Variants in SYTL2 observed in about 807,000 individuals in gnomAD.
SYTL2 encodes synaptotagmin like 2.
Under a neutral mutation model 198.7 loss-of-function variants are expected in SYTL2, and 165 were observed. The observed-to-expected ratio is 0.83, with a 90% CI of 0.73 to 0.94. The LOEUF is 0.94. SYTL2 is among the 40% of genes least tolerant of loss of function. The pLI is 0.00. For missense variants in SYTL2, 2,835 were observed against 2,582.8 expected (o/e 1.10, Z -2.12); for synonymous variants, 966 against 917.7 (o/e 1.05, Z -0.95).
chr11:85,793,146 T>G (rs1258897458), intron 1 of SYTL2, among the ~76,000 whole-genome samples: 4 of 151,742 alleles, frequency 2.6e-5, no homozygotes, highest in African/African-American at 9.7e-5. Context: ...ATATACCCAG[T>G]AATGGGATGG....
At chr11:85,747,151 C>G (rs1223667432) in intron 3 of SYTL2, among the ~76,000 whole-genome samples, 5 of 152,132 alleles carry the variant, frequency 3.3e-5, no homozygotes, top group African/African-American at 1.2e-4. Flanking sequence ...GAATTTTAAA[C>G]AAGCCCTCAA....
At chr11:85,717,576 G>C in intron 10 of SYTL2, 46 bp from the exon 11 acceptor site, 1 of 1,476,584 alleles carries the variant, frequency 6.8e-7, no homozygotes, top group Non-Finnish European at 9.5e-7. Flanking sequence ...TTTAACAGAA[G>C]GATTAAAGAG....
At chr11:85,706,694 C>A (rs534392827) in intron 15 of SYTL2, among the ~76,000 whole-genome samples, 8 of 152,248 alleles carry the variant, frequency 5.3e-5, no homozygotes, top group South Asian at 4.1e-4. Flanking sequence ...TGTGAAGGGA[C>A]TGGTGTGCAT....
chr11:85,825,387 C>A, the SYTL2 span, among the ~76,000 whole-genome samples: 797 of 118,536 alleles, frequency 6.7e-3, no homozygotes, highest in Middle Eastern at 0.014. Context: ...GACTCCGTCT[C>A]AAAAAAAAAA....
At chr11:85,708,837 ATTTTTTTTTT>A (rs72460497) in intron 14 of SYTL2, among the ~76,000 whole-genome samples, 2 of 71,594 alleles carry the variant, frequency 2.8e-5, no homozygotes, top group Admixed American at 2.0e-4. Flanking sequence ...CTTCTCTGTG[ATTTTTTTTTT>A]TTTTTTTTTT....
intron 4 of SYTL2, among the ~76,000 whole-genome samples, chr11:85,743,251 A>G (rs558370937): frequency 5.9e-5 from 9 of 152,234 alleles, no homozygotes; most frequent in Non-Finnish European, 1.2e-4. Flanking sequence ...GTTAAAGTAT[A>G]GGTAAGAAAC....
At chr11:85,753,056 A>T (rs1432449552) in intron 2 of SYTL2, among the ~76,000 whole-genome samples, 1 of 148,164 alleles carries the variant, frequency 6.7e-6, no homozygotes, top group South Asian at 2.2e-4. Flanking sequence ...TTGTGTGTAT[A>T]TGGGGGTGGG....
At chr11:85,722,786 T>G (rs1331314591) in intron 8 of SYTL2, among the ~76,000 whole-genome samples, 5 of 152,100 alleles carry the variant, frequency 3.3e-5, no homozygotes, top group Admixed American at 6.5e-5. Flanking sequence ...TTTTAGAGAT[T>G]GATATTTCAA....
chr11:85,846,579 C>G, the SYTL2 span, among the ~76,000 whole-genome samples: 1 of 152,004 alleles, frequency 6.6e-6, no homozygotes, highest in Non-Finnish European at 1.5e-5. Context: ...AGGTGTGCAC[C>G]ACCACACCCA....
chr11:85,833,928 G>A, the SYTL2 span, among the ~76,000 whole-genome samples: 8 of 151,632 alleles, frequency 5.3e-5, no homozygotes, highest in Non-Finnish European at 7.4e-5. Context: ...TAGTAGAGAC[G>A]GGGTTTCGCC....
rs185001219 is a variant in SYTL2 at position 85,705,444 on chromosome 11, C to T, written c.6019-416G>A. Among the ~76,000 whole-genome samples the T allele has an allele frequency of 1.2e-3, 187 of 152,220 alleles. 1 individual carries two copies. The highest frequency in any genetic ancestry group is 3.6e-3 in the African/African-American group (149 of 41,540). ...AAAATAGTCTTTTTAGAGCAGTTTT[C>T]GGTTTACAGCAAAACTGAGCAGAAA... On this transcript the variant is annotated intron_variant, in intron 15 of 19. Coordinates refer to ENST00000359152, the MANE Select transcript of SYTL2 (RefSeq NM_206927.4).
At chr11:85,765,430 T>TTTCACCATG (rs2092214806) in intron 1 of SYTL2, among the ~76,000 whole-genome samples, 2 of 152,194 alleles carry the variant, frequency 1.3e-5, no homozygotes, top group South Asian at 2.1e-4. Context: ...AGAGACGGGG[T>TTTCACCATG]TTCACCATGT....
intron 12 of SYTL2, among the ~76,000 whole-genome samples, chr11:85,711,664 C>T (rs2086310417): frequency 6.6e-6 from 1 of 152,000 alleles, no homozygotes; most frequent in Non-Finnish European, 1.5e-5. Flanking sequence ...TAGCACAGCC[C>T]CTAACTTCTC....
intron 1 of SYTL2, among the ~76,000 whole-genome samples, chr11:85,778,021 G>C (rs564719563): frequency 6.6e-6 from 1 of 151,832 alleles, no homozygotes; most frequent in Admixed American, 6.6e-5. Context: ...GTTTCACCAC[G>C]TTGGCCAGGC....
Position 85,726,372 on chromosome 11 carries a change from T to G in SYTL2, c.2986A>C (p.Asn996His), listed in dbSNP as rs1173638313. The G allele has an allele frequency of 2.5e-6, 4 of 1,613,894 alleles. No homozygotes were observed. The highest frequency in any genetic ancestry group is 1.7e-5 in the Admixed American group (1 of 59,962). Residue 996 changes from asparagine (N) to histidine (H), a missense_variant, in exon 8 of 20, where the codon AAC (asparagine) becomes CAC (histidine). This residue lies in a region of SYTL2 where 2,645 missense variants were observed against 2,381.7 expected (regional missense o/e 1.11). Coordinates refer to ENST00000359152, the MANE Select transcript of SYTL2 (RefSeq NM_206927.4). Reference sequence around the variant, plus strand: ...ATATTCTTGTCATTATCCTTACTGTTTGAATTAGCTTCTAAGTCCCAAAAC... The same window carrying G: ...ATATTCTTGTCATTATCCTTACTGTGTGAATTAGCTTCTAAGTCCCAAAAC... The part of the protein sequence containing the change: ...RKFWDLEANS[N>H]SKDNDKNITT...
intron 15 of SYTL2, among the ~76,000 whole-genome samples, chr11:85,706,818 GGTTTTTTTT>G (rs1565865630): frequency 6.6e-6 from 1 of 151,626 alleles, no homozygotes; most frequent in Non-Finnish European, 1.5e-5. Flanking sequence ...ATCAGCTGTG[GGTTTTTTTT>G]GTTTTTTGTT....
Position 85,734,279 on chromosome 11 carries a change from A to ATGG in SYTL2, c.1047_1049dup (p.His350dup). The stretch of plus-strand genomic sequence containing the variant: ...CACTAAATTCTCCTACTTCCCGACC[A>ATGG]TGGATTAGCCCAGGACTCTGTGGAA... On this transcript the variant is annotated inframe_insertion, in exon 7 of 20. Coordinates refer to ENST00000359152, the MANE Select transcript of SYTL2 (RefSeq NM_206927.4). The ATGG allele has an allele frequency of 6.2e-7, 1 of 1,614,152 alleles. No individual in the cohort carries two copies. The highest frequency in any genetic ancestry group is 8.5e-7 in the Non-Finnish European group (1 of 1,180,008).
intron 1 of SYTL2, among the ~76,000 whole-genome samples, chr11:85,768,099 G>C (rs539662568): frequency 2.3e-4 from 35 of 152,284 alleles, no homozygotes; most frequent in African/African-American, 7.9e-4. Flanking sequence ...CAAGGACTTT[G>C]TGCTCTAGGC....
the SYTL2 span, among the ~76,000 whole-genome samples, chr11:85,835,963 C>G: frequency 6.6e-6 from 1 of 152,132 alleles, no homozygotes. Context: ...AAATTCAATT[C>G]CACCTCACCC....
Sources: allele counts gnomAD v4.1 joint callset (sites outside exome capture counted in the v4.1 genomes callset), GRCh38; gene constraint gnomAD v4.1.1; regional missense constraint gnomAD v4.1.1; transcripts MANE v1.5; gene names NCBI Gene and HGNC (gene_info 2026-07-23, HGNC 2026-07-21).